Variants in SNPH observed in about 807,000 individuals in gnomAD.
SNPH encodes syntaphilin.
SNPH carries 10 observed loss-of-function variants against 36.8 expected under a neutral mutation model. The ratio of observed to expected loss-of-function variants is 0.27; its 90% CI spans 0.17 to 0.46. SNPH has a LOEUF of 0.46. Among genes scored for constraint, SNPH ranks in the 20% least tolerant of loss-of-function variants. SNPH has a pLI of 1.00. For synonymous variants in SNPH, 281 were observed against 312.2 expected (o/e 0.90, Z 1.05); for missense variants, 622 against 744.0 (o/e 0.84, Z 1.91).
intron 6 of SNPH, among the ~76,000 whole-genome samples, chr20:1,303,638 T>G (rs2088530696): frequency 6.6e-6 from 1 of 152,234 alleles, no homozygotes; most frequent in South Asian, 2.1e-4. Context: ...ACACCATTGC[T>G]GACCTTTATG....
At chr20:1,279,250 T>A (rs1476843812) in intron 2 of SNPH, among the ~76,000 whole-genome samples, 4 of 152,248 alleles carry the variant, frequency 2.6e-5, no homozygotes, top group Non-Finnish European at 5.9e-5. Context: ...TTTTAAATCT[T>A]AGCCACTCTA....
At chr20:1,279,842 T>G (rs889749284) in intron 2 of SNPH, among the ~76,000 whole-genome samples, 1 of 152,176 alleles carries the variant, frequency 6.6e-6, no homozygotes, top group African/African-American at 2.4e-5. Flanking sequence ...TGATGCCTTT[T>G]ATTCCTGTGA....
intron 2 of SNPH, among the ~76,000 whole-genome samples, chr20:1,279,365 T>C (rs1010690603): frequency 2.6e-5 from 4 of 152,220 alleles, no homozygotes; most frequent in African/African-American, 9.6e-5. Context: ...ATATCCTCTT[T>C]GGTGAGGTAT....
intron 2 of SNPH, among the ~76,000 whole-genome samples, chr20:1,284,871 G>A (rs982779066): frequency 2.0e-5 from 3 of 152,158 alleles, no homozygotes; most frequent in Non-Finnish European, 2.9e-5. Flanking sequence ...ACCGTTGGAG[G>A]GGTTTTGAGT....
rs1165430501 is a variant in SNPH, at chr20:1,271,832, G to GTTTTAACC, written c.-493+5073_-493+5080dup. Among the ~76,000 whole-genome samples, 3 of 152,072 alleles carry GTTTTAACC rather than the reference G, an allele frequency of 2.0e-5. No individual in the cohort carries two copies. The East Asian group carries it at 5.8e-4, about 29-fold the overall frequency. ...TGAAGTTATGAGTTTTTGTTTTTTT[G>GTTTTAACC]TTTTAACCAAGAGGAGTAACAGAAG... On this transcript the variant is annotated intron_variant, in intron 2 of 6. Transcript: ENST00000381867.
At position 1,266,697 on chromosome 20, in the gene SNPH, C is replaced by A; in HGVS notation, c.-556C>A. 3 of 1,452,124 alleles carry A rather than the reference C, an allele frequency of 2.1e-6. No homozygotes were observed. Among genetic ancestry groups the A allele is most frequent in the South Asian group, 1.4e-5 (1 of 70,446 alleles). The allele number at this position is 1,452,124 out of a possible 1,614,324, so 90.0% of individuals were successfully genotyped here. On this transcript the variant is annotated 5_prime_UTR_variant, in exon 2 of 7. Transcript: ENST00000381867. The surrounding 1 kb of genome is among the most constrained non-coding windows in gnomAD (Gnocchi z 6.0). ...GCGGCTGCAGCAGCGACTGCAGAGG[C>A]GCTGCGCCAAGCCGGGCCGGAGTGG... is the stretch of plus-strand genomic sequence containing the variant.
rs373960328 is a variant in SNPH, at chr20:1,298,684, C to T, written c.290+1432C>T. On this transcript the variant is annotated intron_variant, in intron 5 of 6. Coordinates refer to ENST00000381867, the MANE Select transcript of SNPH (RefSeq NM_001318234.2). Reference sequence around the variant, plus strand: ...CAGCAAAGGGTCTTCTTCCCCACAACAAGGGTTGCTGCCCCTGGGTGAGCA... The same window carrying T: ...CAGCAAAGGGTCTTCTTCCCCACAATAAGGGTTGCTGCCCCTGGGTGAGCA... Among the ~76,000 whole-genome samples the T allele has an allele frequency of 1.2e-4, 19 of 152,270 alleles. No individual in the cohort carries two copies. In the East Asian group the frequency reaches 2.3e-3, roughly 19 times the overall value.
intron 4 of SNPH, among the ~76,000 whole-genome samples, chr20:1,296,751 G>A (rs951113080): frequency 7.9e-5 from 12 of 152,100 alleles, no homozygotes; most frequent in Admixed American, 1.3e-4. Flanking sequence ...TTTTACCCCC[G>A]AGGCTCCTCC....
chr20:1,281,857 G>T (rs1447547694), intron 2 of SNPH, among the ~76,000 whole-genome samples: 1 of 152,276 alleles, frequency 6.6e-6, no homozygotes, highest in Non-Finnish European at 1.5e-5. Flanking sequence ...AGGAAATGCT[G>T]TAATTAGAAG....
chr20:1,303,856 G>A (rs1177317247), intron 6 of SNPH, among the ~76,000 whole-genome samples: 2 of 152,110 alleles, frequency 1.3e-5, no homozygotes, highest in Non-Finnish European at 2.9e-5. Flanking sequence ...TTAGGCTGAG[G>A]GGGCTCATGT....
At position 1,306,247 on chromosome 20, in the gene SNPH, G is replaced by A; in HGVS notation, c.*193G>A. Reference sequence around the variant, plus strand: ...AGAAAGGCATCCCAAAGCTTCGATGGAGAGCAGGGAAGGGGGACCCAAGGC... The same window carrying A: ...AGAAAGGCATCCCAAAGCTTCGATGAAGAGCAGGGAAGGGGGACCCAAGGC... On this transcript the variant is annotated 3_prime_UTR_variant, in exon 7 of 7. Transcript: ENST00000381867. 2.0e-6 allele frequency: 1 copy of A among 499,732 alleles called. No homozygotes were observed. Among genetic ancestry groups the A allele is most frequent in the African/African-American group, 2.0e-5 (1 of 50,028 alleles). The allele number at this position is 499,732 out of a possible 1,614,324, so 31.0% of individuals were successfully genotyped here.
chr20:1,286,349 G>A (rs1042393089), intron 2 of SNPH, among the ~76,000 whole-genome samples: 3 of 152,168 alleles, frequency 2.0e-5, no homozygotes, highest in Non-Finnish European at 4.4e-5. Flanking sequence ...GGCATGGGAA[G>A]TACCACGGGG....
intron 6 of SNPH, among the ~76,000 whole-genome samples, chr20:1,303,715 C>T (rs2088532187): frequency 6.6e-6 from 1 of 152,174 alleles, no homozygotes. Flanking sequence ...GGGCCCATTT[C>T]CTGAAGGAAA....
intron 2 of SNPH, among the ~76,000 whole-genome samples, chr20:1,283,382 C>G (rs6041107): frequency 0.81 from 123,393 of 152,010 alleles, 50,644 homozygotes; most frequent in African/African-American, 0.87. Flanking sequence ...AAATGAGACT[C>G]GACCAGAAAA....
chr20:1,300,349 G>A (rs919217544), intron 5 of SNPH, among the ~76,000 whole-genome samples: 10 of 152,146 alleles, frequency 6.6e-5, no homozygotes, highest in Admixed American at 3.9e-4. Context: ...CCTGAAGCCC[G>A]CTTCCTGACA....
In SNPH at chr20:1,304,948, C is replaced by A. The variant is rs2088547266; in HGVS notation, c.511C>A (p.His171Asn). The change falls in exon 7 of 7, where the codon CAC becomes AAC. Residue 171 changes from histidine to asparagine, a missense_variant. Around this residue, in one of 3 missense-constraint regions of SNPH, gnomAD observed 56 missense variants for 106.6 expected, o/e 0.53. Coordinates refer to ENST00000381867, the MANE Select transcript of SNPH (RefSeq NM_001318234.2). This position sits in a 1 kb window ranked among gnomAD's most constrained non-coding sequence, Gnocchi z 4.3. The stretch of plus-strand genomic sequence containing the variant: ...GGAGGACTGGATTGAGGAGGAGTGC[C>A]ACCGCGTGGAGGCCCAGCTGGCCCT... Reference protein sequence around the residue: ...MQEDWIEEECHRVEAQLALKE... With the variant: ...MQEDWIEEECNRVEAQLALKE... 1 of 1,613,716 alleles carries A rather than the reference C, an allele frequency of 6.2e-7. No individual in the cohort carries two copies. Among genetic ancestry groups the A allele is most frequent in the South Asian group, 1.1e-5 (1 of 91,090 alleles).
intron 2 of SNPH, among the ~76,000 whole-genome samples, chr20:1,281,589 C>T (rs2088223848): frequency 6.6e-6 from 1 of 152,196 alleles, no homozygotes; most frequent in Non-Finnish European, 1.5e-5. Flanking sequence ...AATGCTAACC[C>T]CTATTCCTGC....
intron 5 of SNPH, 78 bp from the exon 6 acceptor site, chr20:1,300,484 C>A: frequency 6.5e-7 from 1 of 1,528,914 alleles, no homozygotes; most frequent in Middle Eastern, 1.8e-4. Flanking sequence ...GCTGGTGTCC[C>A]CTTGCTCCCC....
intron 2 of SNPH, among the ~76,000 whole-genome samples, chr20:1,278,980 C>T (rs2088184445): frequency 6.6e-6 from 1 of 152,220 alleles, no homozygotes. Context: ...TGATGGACAT[C>T]TAGTTTTTTC....
Sources: allele counts gnomAD v4.1 joint callset (sites outside exome capture counted in the v4.1 genomes callset), GRCh38; gene constraint gnomAD v4.1.1; regional missense constraint gnomAD v4.1.1; non-coding constraint Gnocchi (gnomAD v3.1); transcripts MANE v1.5; gene names NCBI Gene and HGNC (gene_info 2026-07-23, HGNC 2026-07-21).